Variants in STAU1 observed in about 807,000 individuals in gnomAD.
STAU1 encodes staufen double-stranded RNA binding protein 1.
Under a neutral mutation model 62.9 loss-of-function variants are expected in STAU1, and 13 were observed. That is an observed-to-expected ratio of 0.21 (90% CI 0.13 to 0.33). STAU1 has a LOEUF of 0.33. STAU1 is among the 10% of genes least tolerant of loss of function. STAU1 has a pLI of 1.00. For missense variants in STAU1, 571 were observed against 712.1 expected (o/e 0.80, Z 2.25); for synonymous variants, 269 against 265.1 (o/e 1.01, Z -0.14).
At chr20:49,124,981 C>A (rs1312438233) in intron 6 of STAU1, among the ~76,000 whole-genome samples, 1 of 148,868 alleles carries the variant, frequency 6.7e-6, no homozygotes, top group African/African-American at 2.5e-5. Context: ...AGGACTAGGC[C>A]TACTAAATAC....
upstream of STAU1, among the ~76,000 whole-genome samples, chr20:49,190,699 T>C (rs144097041): frequency 2.0e-4 from 30 of 152,284 alleles, no homozygotes; most frequent in African/African-American, 6.5e-4. Flanking sequence ...CCTGAAGACC[T>C]CTTGAGTCTT....
rs767917639 is a variant in STAU1, at chr20:49,120,011, T to G, written c.1084A>C (p.Thr362Pro). 2 of 1,614,148 alleles carry G rather than the reference T, an allele frequency of 1.2e-6. No individual in the cohort carries two copies. Among genetic ancestry groups the G allele is most frequent in the Non-Finnish European group, 1.7e-6 (2 of 1,180,014 alleles). The change falls in exon 9 of 14, where the codon ACC becomes CCC. Residue 362 changes from threonine (T) to proline (P), a missense_variant. Thr to Pro is a conservative substitution (Grantham distance 38). Transcript: ENST00000371856. The stretch of plus-strand genomic sequence containing the variant: ...TCCTCTGACTTGAGTGCGGGTTTGG[T>G]GGGCTGCGCCTGCGGGACTTTGAAA... ...LGFKVPQAQP[T>P]KPALKSEEKT...
At chr20:49,193,836 G>T in the STAU1 span, among the ~76,000 whole-genome samples, 2 of 152,090 alleles carry the variant, frequency 1.3e-5, no homozygotes, top group African/African-American at 4.8e-5. Context: ...AGGCGTGGTG[G>T]CGGGTGGCTG....
intron 1 of STAU1, among the ~76,000 whole-genome samples, chr20:49,182,994 C>T (rs910832301): frequency 6.6e-6 from 1 of 152,078 alleles, no homozygotes. Context: ...GGGTAAATAA[C>T]CATAGCAACT....
At chr20:49,149,631 A>C (rs180965040) in intron 5 of STAU1, among the ~76,000 whole-genome samples, 43 of 152,304 alleles carry the variant, frequency 2.8e-4, no homozygotes, top group African/African-American at 1.0e-3. Flanking sequence ...GTGTTTTAAC[A>C]AATCTCACCA....
chr20:49,152,451 C>T (rs348258), intron 4 of STAU1, among the ~76,000 whole-genome samples: 51,425 of 148,660 alleles, frequency 0.35, 9,503 homozygotes, highest in African/African-American at 0.51. Flanking sequence ...TCAAGCGATT[C>T]TCCTGCCTCA....
chr20:49,179,725 GA>G (rs1369986009), intron 1 of STAU1, among the ~76,000 whole-genome samples: 1 of 152,192 alleles, frequency 6.6e-6, no homozygotes, highest in Non-Finnish European at 1.5e-5. Context: ...AGAAGGCATG[GA>G]TTTCAAAACA....
At chr20:49,139,130 A>T (rs181728941) in intron 5 of STAU1, among the ~76,000 whole-genome samples, 145 of 152,356 alleles carry the variant, frequency 9.5e-4, no homozygotes, top group African/African-American at 3.4e-3. Flanking sequence ...CTAAAACAGT[A>T]AAGTTCCTAG....
chr20:49,114,854 T>C lies in STAU1; in HGVS notation c.*24A>G. Reference sequence around the variant, plus strand: ...TTTCAGTATATATGTTGGGATTTTATAATGGTTCATGGCCAGAAAAGGTTC... The same window carrying C: ...TTTCAGTATATATGTTGGGATTTTACAATGGTTCATGGCCAGAAAAGGTTC... On this transcript the variant is annotated 3_prime_UTR_variant, in exon 14 of 14. Coordinates refer to ENST00000371856, the MANE Select transcript of STAU1 (RefSeq NM_017453.4). The C allele has an allele frequency of 6.2e-7, 1 of 1,612,648 alleles. No homozygotes were observed. Among genetic ancestry groups the C allele is most frequent in the Non-Finnish European group, 8.5e-7 (1 of 1,179,020 alleles).
At chr20:49,211,586 C>A in the STAU1 span, among the ~76,000 whole-genome samples, 1 of 152,066 alleles carries the variant, frequency 6.6e-6, no homozygotes, top group South Asian at 2.1e-4. Flanking sequence ...AGGCTCACTG[C>A]ACCCTCCACC....
chr20:49,141,078 C>T (rs1167223687), intron 5 of STAU1, among the ~76,000 whole-genome samples: 1 of 151,926 alleles, frequency 6.6e-6, no homozygotes, highest in African/African-American at 2.4e-5. Context: ...AAACTAGGTG[C>T]TCAGACTGTC....
intron 6 of STAU1, chr20:49,134,668 A>G: frequency 8.8e-7 from 1 of 1,132,586 alleles, no homozygotes; most frequent in South Asian, 1.2e-5. Flanking sequence ...TTAAGAATGA[A>G]GCTGATAGGA....
chr20:49,204,646 ATTTTTTTTTTTTTT>A, the STAU1 span, among the ~76,000 whole-genome samples: 24 of 32,164 alleles, frequency 7.5e-4, 1 homozygote, highest in Non-Finnish European at 4.1e-4. Context: ...ATATATATAT[ATTTTTTTTTTTTTT>A]TTTTTTTTTT....
chr20:49,170,428 G>A (rs1311187590), intron 2 of STAU1, among the ~76,000 whole-genome samples: 4 of 152,140 alleles, frequency 2.6e-5, no homozygotes, highest in Admixed American at 2.6e-4. Flanking sequence ...TTGGCTCACC[G>A]TAACCTCTGC....
intron 5 of STAU1, among the ~76,000 whole-genome samples, chr20:49,140,545 A>C (rs780905437): frequency 2.6e-5 from 4 of 152,204 alleles, no homozygotes; most frequent in Non-Finnish European, 5.9e-5. Context: ...AAGTAACATA[A>C]GCCACACATT....
At chr20:49,208,172 G>C in the STAU1 span, among the ~76,000 whole-genome samples, 1 of 152,150 alleles carries the variant, frequency 6.6e-6, no homozygotes, top group Non-Finnish European at 1.5e-5. Flanking sequence ...CGATTCTCCT[G>C]CCTGAGCCTT....
rs1382617269 is a variant in STAU1, at chr20:49,117,376, TACTA to T, written c.1510-132_1510-129del. 1.7e-6 allele frequency: 2 copies of T among 1,159,002 alleles called. No homozygotes were observed. Among genetic ancestry groups the T allele is most frequent in the Non-Finnish European group, 2.5e-6 (2 of 810,556 alleles). 71.8% of individuals were successfully genotyped at this position (1,159,002 alleles called of 1,614,324 possible). The stretch of plus-strand genomic sequence containing the variant: ...TTCCAACTCAGCCCCACTGTGGCCA[TACTA>T]ACACCTGCCCTGTCAGCCCAGAACC... On this transcript the variant is annotated intron_variant, in intron 11 of 13. Transcript: ENST00000371856. This position sits in a 1 kb window ranked among gnomAD's most constrained non-coding sequence, Gnocchi z 4.6.
rs200374595 is a variant in STAU1 at position 49,124,355 on chromosome 20, G to C, written c.822+20C>G. The C allele has an allele frequency of 6.2e-7, 1 of 1,610,572 alleles. No individual in the cohort carries two copies. Among genetic ancestry groups the C allele is most frequent in the East Asian group, 2.2e-5 (1 of 44,874 alleles). On this transcript the variant is annotated intron_variant, in intron 7 of 13. Transcript: ENST00000371856. ...TCTATAAGTAATGAAAACACCTTCTGTGTTCAGAAAAGTTCTCACCTTGAC... is the reference window on the plus strand; with the variant it reads ...TCTATAAGTAATGAAAACACCTTCTCTGTTCAGAAAAGTTCTCACCTTGAC...
At chr20:49,125,819 G>C (rs1568834078) in intron 6 of STAU1, among the ~76,000 whole-genome samples, 1 of 151,970 alleles carries the variant, frequency 6.6e-6, no homozygotes, top group Non-Finnish European at 1.5e-5. Flanking sequence ...CTCCAGCCTG[G>C]GTGACAGAGT....
Sources: gnomAD v4.1 joint callset for allele counts (sites outside exome capture counted in the v4.1 genomes callset) on GRCh38, gnomAD v4.1.1 for gene constraint, Gnocchi (gnomAD v3.1) non-coding constraint, MANE v1.5 for transcripts, NCBI Gene and HGNC (gene_info 2026-07-23, HGNC 2026-07-21) for gene names.